Variants in ST8SIA4 observed in about 807,000 individuals in gnomAD.
ST8SIA4 encodes the protein CMP-N-acetylneuraminate-poly-alpha-2,8-sialyltransferase.
A neutral mutation model predicts 33.9 loss-of-function variants in ST8SIA4; 15 were observed. That is an observed-to-expected ratio of 0.44 (90% CI 0.30 to 0.68). ST8SIA4 has a LOEUF of 0.68. Ranked by LOEUF, ST8SIA4 falls within the 30% of genes least tolerant of loss-of-function variation. The pLI is 0.10. For missense variants in ST8SIA4, 321 were observed against 428.0 expected (o/e 0.75, Z 2.21); for synonymous variants, 171 against 151.2 (o/e 1.13, Z -0.96).
intron 3 of ST8SIA4, among the ~76,000 whole-genome samples, chr5:100,876,806 T>A (rs1752317380): frequency 6.6e-6 from 1 of 152,050 alleles, no homozygotes. Context: ...AGTTTGATAT[T>A]GAGTCACTCG....
At chr5:100,897,449 A>G (rs1327950744) in intron 1 of ST8SIA4, among the ~76,000 whole-genome samples, 3 of 152,218 alleles carry the variant, frequency 2.0e-5, no homozygotes, top group African/African-American at 7.2e-5. Flanking sequence ...TAGCCCTTTG[A>G]ATATTTGTAT....
intron 3 of ST8SIA4, among the ~76,000 whole-genome samples, chr5:100,876,757 T>G (rs116105591): frequency 0.022 from 3,403 of 152,158 alleles, 66 homozygotes; most frequent in Middle Eastern, 0.075. Flanking sequence ...TTTCTGTTAT[T>G]TAGGGATATA....
chr5:100,885,878 C>A (rs914042835), intron 3 of ST8SIA4: 6 of 871,650 alleles, frequency 6.9e-6, no homozygotes, highest in Middle Eastern at 6.0e-4. Flanking sequence ...CTCAGGATAT[C>A]AAATATAAAC....
intron 3 of ST8SIA4, among the ~76,000 whole-genome samples, chr5:100,877,674 T>A (rs1045286412): frequency 2.6e-5 from 4 of 152,124 alleles, no homozygotes; most frequent in African/African-American, 4.8e-5. Flanking sequence ...ATAGATATCA[T>A]CCTAAGGGAA....
At chr5:100,892,918 A>G (rs1231872673) in intron 2 of ST8SIA4, among the ~76,000 whole-genome samples, 2 of 152,088 alleles carry the variant, frequency 1.3e-5, no homozygotes, top group African/African-American at 2.4e-5. Flanking sequence ...AGGGGTTGAT[A>G]GGTGCAGCAA....
intron 3 of ST8SIA4, among the ~76,000 whole-genome samples, chr5:100,862,939 A>G (rs572308288): frequency 2.0e-5 from 3 of 152,370 alleles, no homozygotes; most frequent in Non-Finnish European, 4.4e-5. Flanking sequence ...ATGGAAAGGA[A>G]GCAAAAAATA....
chr5:100,880,405 G>A (rs1752393360), intron 3 of ST8SIA4, among the ~76,000 whole-genome samples: 1 of 152,190 alleles, frequency 6.6e-6, no homozygotes, highest in Non-Finnish European at 1.5e-5. Flanking sequence ...AGGATATTCT[G>A]TACAAGCATA....
rs1750918156 is a variant in ST8SIA4 at position 100,816,414 on chromosome 5, A to C, written c.798-4285T>G. ...TTGATACTAAGGAGAGCTCACATTC[A>C]ATATATTGACAAACAAGGAATATTG... On this transcript the variant is annotated intron_variant, in intron 4 of 4. Coordinates refer to ENST00000231461, the MANE Select transcript of ST8SIA4 (RefSeq NM_005668.6). 2.0e-5 allele frequency: 10 copies of C among 491,138 alleles called. 1 individual carries two copies. The highest frequency in any genetic ancestry group is 1.6e-4 in the South Asian group (10 of 64,206). The allele number at this position is 491,138 out of a possible 1,614,324, so 30.4% of individuals were successfully genotyped here.
intron 2 of ST8SIA4, among the ~76,000 whole-genome samples, chr5:100,893,439 A>C (rs1268242637): frequency 6.6e-6 from 1 of 152,130 alleles, no homozygotes; most frequent in African/African-American, 2.4e-5. Context: ...TAATCTGTTA[A>C]GGAGAACCAT....
chr5:100,841,317 T>C (rs1220905409), intron 4 of ST8SIA4, among the ~76,000 whole-genome samples: 1 of 151,952 alleles, frequency 6.6e-6, no homozygotes, highest in East Asian at 1.9e-4. Context: ...GGAGTCATTA[T>C]GCTTATTTCT....
chr5:100,839,759 G>A (rs538324110), intron 4 of ST8SIA4, among the ~76,000 whole-genome samples: 2 of 151,758 alleles, frequency 1.3e-5, no homozygotes, highest in East Asian at 3.9e-4. Context: ...ATGATAAAAT[G>A]GCACAAATAT....
intron 4 of ST8SIA4, among the ~76,000 whole-genome samples, chr5:100,833,029 A>G (rs1322653417): frequency 6.6e-6 from 1 of 152,140 alleles, no homozygotes; most frequent in African/African-American, 2.4e-5. Context: ...GGTAATATAC[A>G]TCGTGCTATG....
In ST8SIA4 at chr5:100,856,112, G is replaced by C. The variant is rs1580465023; in HGVS notation, c.788C>G (p.Ala263Gly). 6.2e-7 allele frequency: 1 copy of C among 1,613,734 alleles called. No individual in the cohort carries two copies. The highest frequency in any genetic ancestry group is 1.3e-5 in the African/African-American group (1 of 75,028). The change falls in exon 4 of 5, where the codon GCT becomes GGT. Residue 263 changes from alanine to glycine, a missense_variant. Coordinates refer to ENST00000231461, the MANE Select transcript of ST8SIA4 (RefSeq NM_005668.6). Reference sequence around the variant, plus strand: ...CTTTCCAGTCACTTACCCTCTGACAGCATGAATAAGTCTCAATGACGGATA... The same window carrying C: ...CTTTCCAGTCACTTACCCTCTGACACCATGAATAAGTCTCAATGACGGATA... Reference protein sequence around the residue: ...TAYPSLRLIHAVRGYWLTNKV... With the variant: ...TAYPSLRLIHGVRGYWLTNKV...
chr5:100,898,889 C>T (rs1030592127), intron 1 of ST8SIA4, among the ~76,000 whole-genome samples: 4 of 152,152 alleles, frequency 2.6e-5, no homozygotes, highest in Admixed American at 1.3e-4. Flanking sequence ...AACACATCAA[C>T]GAAATCACTC....
At chr5:100,857,410 T>C (rs1751841022) in intron 3 of ST8SIA4, among the ~76,000 whole-genome samples, 2 of 151,920 alleles carry the variant, frequency 1.3e-5, no homozygotes. Context: ...TATTTTTAAC[T>C]TGCTTTTAAA....
intron 4 of ST8SIA4, among the ~76,000 whole-genome samples, chr5:100,838,536 A>C (rs776327472): frequency 2.6e-4 from 40 of 152,004 alleles, no homozygotes; most frequent in Non-Finnish European, 5.3e-4. Context: ...TCTTGGCCAG[A>C]AGTAATATGT....
chr5:100,837,971 G>A (rs1260362626), intron 4 of ST8SIA4, among the ~76,000 whole-genome samples: 1 of 151,988 alleles, frequency 6.6e-6, no homozygotes, highest in African/African-American at 2.4e-5. Context: ...ATTTCTGAGA[G>A]TGTCTGAATC....
intron 4 of ST8SIA4, among the ~76,000 whole-genome samples, chr5:100,822,920 A>G (rs1468592486): frequency 6.6e-6 from 1 of 152,180 alleles, no homozygotes; most frequent in Non-Finnish European, 1.5e-5. Flanking sequence ...TCACGAGGTC[A>G]GGAGATTGAG....
At chr5:100,859,411 T>C (rs538566980) in intron 3 of ST8SIA4, among the ~76,000 whole-genome samples, 2 of 152,246 alleles carry the variant, frequency 1.3e-5, no homozygotes, top group Admixed American at 6.5e-5. Context: ...AAACATTTAA[T>C]AGAGTCAAAC....
Sources: allele counts gnomAD v4.1 joint callset (sites outside exome capture counted in the v4.1 genomes callset), GRCh38; gene constraint gnomAD v4.1.1; transcripts MANE v1.5; gene names NCBI Gene and HGNC (gene_info 2026-07-23, HGNC 2026-07-21).